TBL1XR1: variants seen among roughly 807,000 people sequenced by gnomAD.
TBL1XR1 encodes F-box-like/WD repeat-containing protein TBL1XR1.
TBL1XR1 carries 5 observed loss-of-function variants against 66.9 expected under a neutral mutation model. The ratio of observed to expected loss-of-function variants is 0.07; its 90% CI spans 0.04 to 0.16. The LOEUF (loss-of-function observed/expected upper bound fraction) is 0.16, where lower values mean the gene tolerates loss of function less well. Among genes scored for constraint, TBL1XR1 ranks in the 10% least tolerant of loss-of-function variants. TBL1XR1 has a pLI of 1.00. For missense variants in TBL1XR1, 238 were observed against 623.2 expected, an observed-to-expected ratio of 0.38 and a Z score of 6.58; for synonymous variants, 210 against 206.0, an observed-to-expected ratio of 1.02 and a Z score of -0.17.
Position 177,047,359 on chromosome 3 carries a change from T to C in TBL1XR1, c.805A>G (p.Ile269Val). ...ASTLGQHKGP[I>V]FALKWNKKGN... is the part of the protein sequence containing the mutation. The stretch of plus-strand genomic sequence containing the variant: ...TTCTTATTCCATTTTAATGCAAATA[T>C]AGGGCCTTTATGCTGCCCTAAGGTG... Residue 269 changes from isoleucine (I) to valine (V), a missense_variant, in exon 9 of 16, where the codon ATA becomes GTA. Coordinates refer to ENST00000457928, the MANE Select transcript of TBL1XR1 (RefSeq NM_024665.7). 1.9e-6 allele frequency: 3 copies of C among 1,574,110 alleles called. No individual in the cohort carries two copies. The highest frequency in any genetic ancestry group is 1.7e-6 in the Non-Finnish European group (2 of 1,157,938).
At chr3:177,150,534 C>T (rs141318828) in intron 1 of TBL1XR1, among the ~76,000 whole-genome samples, 3 of 152,182 alleles carry the variant, frequency 2.0e-5, no homozygotes, top group South Asian at 4.1e-4. Flanking sequence ...GACTGAGTTA[C>T]CTAGGAAAAC....
At chr3:177,172,173 A>T (rs1340882508) in intron 1 of TBL1XR1, among the ~76,000 whole-genome samples, 2 of 151,570 alleles carry the variant, frequency 1.3e-5, no homozygotes, top group African/African-American at 4.9e-5. Flanking sequence ...AAGCAGGAAA[A>T]TCACTTGAAC....
At chr3:177,148,560 A>T (rs1281546787) in intron 1 of TBL1XR1, among the ~76,000 whole-genome samples, 2 of 152,048 alleles carry the variant, frequency 1.3e-5, no homozygotes, top group African/African-American at 4.8e-5. Flanking sequence ...CTAAAAATAC[A>T]AAAAATTAGC....
chr3:177,134,799 T>A (rs374196066), intron 1 of TBL1XR1, among the ~76,000 whole-genome samples: 7 of 152,266 alleles, frequency 4.6e-5, no homozygotes, highest in African/African-American at 1.4e-4. Flanking sequence ...ACGTCTCTAG[T>A]AATAACATGT....
At chr3:177,171,079 G>A (rs937879277) in intron 1 of TBL1XR1, among the ~76,000 whole-genome samples, 3 of 151,724 alleles carry the variant, frequency 2.0e-5, no homozygotes, top group African/African-American at 4.8e-5. Context: ...GGTGGCTCAC[G>A]CCTGTAATCC....
At chr3:177,112,742 C>T (rs572535627) in intron 1 of TBL1XR1, among the ~76,000 whole-genome samples, 110 of 152,290 alleles carry the variant, frequency 7.2e-4, no homozygotes, top group Admixed American at 1.4e-3. Context: ...CGGTGGCTCA[C>T]ACCTGTAATC....
At chr3:177,181,894 G>A (rs780399441) in intron 1 of TBL1XR1, among the ~76,000 whole-genome samples, 35 of 151,806 alleles carry the variant, frequency 2.3e-4, no homozygotes, top group Non-Finnish European at 3.8e-4. Context: ...TCAGGAAGAA[G>A]TGGGCAAGCC....
chr3:177,149,127 G>C (rs984762272), intron 1 of TBL1XR1, among the ~76,000 whole-genome samples: 3 of 152,190 alleles, frequency 2.0e-5, no homozygotes, highest in African/African-American at 7.2e-5. Context: ...TTTGGCTTTT[G>C]ATGATGGCAA....
chr3:177,198,832 T>C (rs1358605526), upstream of TBL1XR1, among the ~76,000 whole-genome samples: 6 of 151,748 alleles, frequency 4.0e-5, no homozygotes, highest in Non-Finnish European at 2.9e-5. Flanking sequence ...GCAACCATCA[T>C]TTCCTCTCAA....
At position 177,025,866 on chromosome 3, in the gene TBL1XR1, T is replaced by C. The variant is rs890047952; in HGVS notation, c.1519-342A>G. On this transcript the variant is annotated intron_variant, in intron 15 of 15. Coordinates refer to ENST00000457928, the MANE Select transcript of TBL1XR1 (RefSeq NM_024665.7). ...TCACAGATTATATTCAGCTACAGCA[T>C]CAGTAAATAGCTACCCTTTTCCCAC... The C allele has an allele frequency of 4.2e-4, 135 of 321,248 alleles. 1 individual carries two copies. The highest frequency in any genetic ancestry group is 8.6e-5 in the Non-Finnish European group (15 of 174,272). The allele number at this position is 321,248 out of a possible 1,614,324, so 19.9% of individuals were successfully genotyped here. A position where few individuals can be genotyped will look rare whatever the true frequency, so the allele number is the denominator to read the frequency against.
rs141356787 is a variant in TBL1XR1 at position 177,088,710 on chromosome 3, T to TA, written c.-46+9755dup. On this transcript the variant is annotated intron_variant, in intron 2 of 15. Coordinates refer to ENST00000457928, the MANE Select transcript of TBL1XR1 (RefSeq NM_024665.7). The stretch of plus-strand genomic sequence containing the variant: ...TGTGCTCTGCTTTTCTTCATTTGTT[T>TA]AAAAAAAAAAAAAAGAAAAGAAAAG... 5.7e-3 allele frequency among the ~76,000 whole-genome samples: 723 copies of TA among 126,910 alleles called. 3 individuals carry two copies. The highest frequency in any genetic ancestry group is 0.013 in the African/African-American group (447 of 35,282). 83.3% of individuals were successfully genotyped at this position (126,910 alleles called of 152,430 possible).
At chr3:177,032,736 G>C in intron 14 of TBL1XR1, 1 of 329,738 alleles carries the variant, frequency 3.0e-6, no homozygotes, top group Non-Finnish European at 5.4e-6. Flanking sequence ...CTGCAAAACC[G>C]TTGGAAAAAA....
intron 2 of TBL1XR1, among the ~76,000 whole-genome samples, chr3:177,090,497 C>G (rs541551267): frequency 7.4e-6 from 1 of 135,206 alleles, no homozygotes; most frequent in Admixed American, 8.3e-5. Flanking sequence ...CTGGTCAACA[C>G]AGGGAGACAC....
rs771609740 is a variant in TBL1XR1 at position 177,038,438 on chromosome 3, C to A, written c.926-4G>T. 16 of 1,523,006 alleles carry A rather than the reference C, an allele frequency of 1.1e-5. No individual in the cohort carries two copies. In the South Asian group the frequency reaches 1.4e-4, roughly 14 times the overall value. 94.3% of individuals were successfully genotyped at this position (1,523,006 alleles called of 1,614,324 possible). A position where few individuals can be genotyped will look rare whatever the true frequency, so the allele number is the denominator to read the frequency against. ...CAATCAACATCCAATGCTGGTGCTG[C>A]AAAGGAACAAAGGTTAGATTTGCTT... On this transcript the variant is annotated splice_polypyrimidine_tract_variant and splice_region_variant and intron_variant, in intron 10 of 15. Coordinates refer to ENST00000457928, the MANE Select transcript of TBL1XR1 (RefSeq NM_024665.7).
intron 1 of TBL1XR1, among the ~76,000 whole-genome samples, chr3:177,180,277 CAG>C (rs985375823): frequency 2.2e-5 from 3 of 136,536 alleles, no homozygotes; most frequent in African/African-American, 8.3e-5. Flanking sequence ...CTACAAGAAA[CAG>C]AGCCCAGAGA....
At chr3:177,143,599 G>A (rs1445678541) in intron 1 of TBL1XR1, among the ~76,000 whole-genome samples, 1 of 152,134 alleles carries the variant, frequency 6.6e-6, no homozygotes, top group African/African-American at 2.4e-5. Flanking sequence ...CAGTGCCTGT[G>A]CAAGTGAAAA....
intron 3 of TBL1XR1, among the ~76,000 whole-genome samples, chr3:177,057,951 A>ATT (rs1438414853): frequency 6.6e-6 from 1 of 152,152 alleles, no homozygotes; most frequent in Non-Finnish European, 1.5e-5. Context: ...CAAAACAGCC[A>ATT]TTTTCTATAG....
At chr3:177,104,097 C>T (rs536631817) in intron 1 of TBL1XR1, among the ~76,000 whole-genome samples, 2 of 139,960 alleles carry the variant, frequency 1.4e-5, no homozygotes, top group South Asian at 4.5e-4. Context: ...GCCTGGGTGA[C>T]AGAGCGAGAC....
At chr3:177,096,992 G>C (rs188155003) in intron 2 of TBL1XR1, among the ~76,000 whole-genome samples, 2 of 152,250 alleles carry the variant, frequency 1.3e-5, no homozygotes, top group African/African-American at 4.8e-5. Flanking sequence ...ACAGGAAAAG[G>C]AGGAGGTCAA....
Sources: gnomAD v4.1 joint callset for allele counts (sites outside exome capture counted in the v4.1 genomes callset) on GRCh38, gnomAD v4.1.1 for gene constraint, MANE v1.5 for transcripts, NCBI Gene and HGNC (gene_info 2026-07-23, HGNC 2026-07-21) for gene names.